Variants in TMEM132D observed in about 807,000 individuals in gnomAD.
TMEM132D encodes the protein transmembrane protein 132D, also known as mature OL transmembrane protein.
A neutral mutation model predicts 62.3 loss-of-function variants in TMEM132D; 21 were observed. The ratio of observed to expected loss-of-function variants is 0.34; its 90% CI spans 0.24 to 0.49. The LOEUF (loss-of-function observed/expected upper bound fraction) is 0.49. Ranked by LOEUF, TMEM132D falls within the 20% of genes least tolerant of loss-of-function variation. The pLI is 0.99. For synonymous variants in TMEM132D, 621 were observed against 575.6 expected (o/e 1.08, Z -1.13); for missense variants, 1,346 against 1,402.8 (o/e 0.96, Z 0.65).
chr12:129,814,146 A>G (rs539775860), intron 1 of TMEM132D, among the ~76,000 whole-genome samples: 1 of 152,284 alleles, frequency 6.6e-6, no homozygotes, highest in Non-Finnish European at 1.5e-5. Context: ...TGTGGGAGCT[A>G]AAAGAGTGGA....
intron 3 of TMEM132D, among the ~76,000 whole-genome samples, chr12:129,520,155 C>T (rs956627411): frequency 2.0e-5 from 3 of 152,128 alleles, no homozygotes; most frequent in Non-Finnish European, 2.9e-5. Flanking sequence ...GCAGAACAGA[C>T]ATTAAATAAT....
chr12:129,412,427 G>T (rs1345109224), intron 3 of TMEM132D, among the ~76,000 whole-genome samples: 1 of 152,160 alleles, frequency 6.6e-6, no homozygotes, highest in Non-Finnish European at 1.5e-5. Context: ...TATGATGGGG[G>T]GTGGGTGTGG....
intron 2 of TMEM132D, among the ~76,000 whole-genome samples, chr12:129,670,817 TTCTGAAA>T (rs748384664): frequency 2.0e-5 from 3 of 152,196 alleles, no homozygotes; most frequent in Non-Finnish European, 4.4e-5. Context: ...TTAGGCACAC[TTCTGAAA>T]CAATGGCTCT....
chr12:129,855,518 A>G (rs71466446), intron 1 of TMEM132D, among the ~76,000 whole-genome samples: 11 of 10,352 alleles, frequency 1.1e-3, no homozygotes, highest in Admixed American at 2.8e-3. Context: ...CCCTTGTAAC[A>G]GAGTCCGGGG....
intron 2 of TMEM132D, among the ~76,000 whole-genome samples, chr12:129,581,944 T>G (rs993163434): frequency 6.6e-6 from 1 of 152,164 alleles, no homozygotes; most frequent in East Asian, 1.9e-4. Context: ...TTGAACATGA[T>G]TTGCAAGTCA....
intron 1 of TMEM132D, among the ~76,000 whole-genome samples, chr12:129,846,919 C>A (rs548775614): frequency 1.3e-5 from 2 of 152,164 alleles, no homozygotes; most frequent in South Asian, 2.1e-4. Context: ...CATGAGTCGA[C>A]TTCTGCCCCC....
chr12:129,236,527 A>AAAG lies in TMEM132D; in HGVS notation c.1300-26865_1300-26864insCTT, dbSNP rs1555240191. Among the ~76,000 whole-genome samples, 9 of 148,128 alleles carry AAAG rather than the reference A, an allele frequency of 6.1e-5. 1 individual carries two copies. Among genetic ancestry groups the AAAG allele is most frequent in the African/African-American group, 2.4e-4 (9 of 38,130 alleles). On this transcript the variant is annotated intron_variant, in intron 4 of 8. Transcript: ENST00000422113. ...GAGACTCCATCTCAAAAAAAAAAAA[A>AAAG]AAAAGAAAAAAAAAAGAAAAGAAAT... is the stretch of plus-strand genomic sequence containing the variant.
chr12:129,223,185 C>T (rs1057066052), intron 4 of TMEM132D, among the ~76,000 whole-genome samples: 3 of 151,962 alleles, frequency 2.0e-5, no homozygotes, highest in Non-Finnish European at 4.4e-5. Context: ...GGTCTTAGGA[C>T]TCACCTCTAG....
intron 2 of TMEM132D, among the ~76,000 whole-genome samples, chr12:129,573,497 A>G (rs990547023): frequency 1.3e-5 from 2 of 152,172 alleles, no homozygotes; most frequent in African/African-American, 4.8e-5. Flanking sequence ...TCACCCAGTT[A>G]GTAAGTGGGA....
intron 1 of TMEM132D, among the ~76,000 whole-genome samples, chr12:129,775,490 G>A (rs1870892202): frequency 6.6e-6 from 1 of 152,178 alleles, no homozygotes; most frequent in Admixed American, 6.5e-5. Flanking sequence ...CTGGTTGAGT[G>A]TCGCTGCAGT....
At chr12:129,370,619 A>C (rs951497695) in intron 3 of TMEM132D, among the ~76,000 whole-genome samples, 3 of 152,258 alleles carry the variant, frequency 2.0e-5, no homozygotes, top group African/African-American at 7.2e-5. Flanking sequence ...TAGCGAAAAT[A>C]TGGAATCAAC....
chr12:129,623,488 C>T (rs1357829729), intron 2 of TMEM132D, among the ~76,000 whole-genome samples: 5 of 151,986 alleles, frequency 3.3e-5, no homozygotes, highest in African/African-American at 4.8e-5. Context: ...ACTTTGCATA[C>T]CCATAACTTA....
intron 2 of TMEM132D, among the ~76,000 whole-genome samples, chr12:129,674,200 A>G (rs993684009): frequency 6.6e-6 from 1 of 152,198 alleles, no homozygotes; most frequent in African/African-American, 2.4e-5. Context: ...GGCATCAAAG[A>G]TTTGAAATAG....
At position 129,640,909 on chromosome 12, in the gene TMEM132D, G is replaced by T. The variant is rs180774781; in HGVS notation, c.968+58901C>A. ...CCTACTGTGAACTGTGCATGCGAGG[G>T]ATCTAGGTTGCACGCTCCTTATGAG... On this transcript the variant is annotated intron_variant, in intron 2 of 8. Coordinates refer to ENST00000422113, the MANE Select transcript of TMEM132D (RefSeq NM_133448.3). Among the ~76,000 whole-genome samples the T allele has an allele frequency of 1.8e-4, 27 of 152,196 alleles. No individual in the cohort carries two copies. In the East Asian group the frequency reaches 4.5e-3, roughly 25 times the overall value.
intron 1 of TMEM132D, among the ~76,000 whole-genome samples, chr12:129,734,301 A>C (rs1869348755): frequency 6.6e-6 from 1 of 152,154 alleles, no homozygotes; most frequent in Non-Finnish European, 1.5e-5. Context: ...CCTTTTCCCT[A>C]TTGTTTTTGG....
chr12:129,377,251 G>C (rs922279318), intron 3 of TMEM132D, among the ~76,000 whole-genome samples: 3 of 152,142 alleles, frequency 2.0e-5, no homozygotes, highest in African/African-American at 7.2e-5. Flanking sequence ...ATCCAAACCT[G>C]CCTGTACCTT....
chr12:129,448,313 CA>C, intron 3 of TMEM132D, among the ~76,000 whole-genome samples: 1 of 152,216 alleles, frequency 6.6e-6, no homozygotes, highest in South Asian at 2.1e-4. Context: ...CAGATTATTT[CA>C]TCATCCAGGT....
At chr12:129,637,869 T>G (rs534752974) in intron 2 of TMEM132D, among the ~76,000 whole-genome samples, 1 of 152,190 alleles carries the variant, frequency 6.6e-6, no homozygotes, top group South Asian at 2.1e-4. Context: ...TGGTTAGAAC[T>G]CACTCACCCA....
At chr12:129,639,689 C>G (rs982304787) in intron 2 of TMEM132D, among the ~76,000 whole-genome samples, 2 of 152,096 alleles carry the variant, frequency 1.3e-5, no homozygotes, top group African/African-American at 4.8e-5. Context: ...GCTCAGGACC[C>G]TCCAGTCGCT....
Sources: gnomAD v4.1 joint callset for allele counts (sites outside exome capture counted in the v4.1 genomes callset) on GRCh38, gnomAD v4.1.1 for gene constraint, MANE v1.5 for transcripts, NCBI Gene and HGNC (gene_info 2026-07-23, HGNC 2026-07-21) for gene names.